The following SEMA5B variants were observed in gnomAD, a reference collection of about 807,000 sequenced individuals.
The protein encoded by SEMA5B is semaphorin 5B, also known as semaphorin-5B.
In SEMA5B, 66 loss-of-function variants were observed where a neutral mutation model predicts 135.0. The observed-to-expected ratio is 0.49, with a 90% CI of 0.40 to 0.60. SEMA5B has a LOEUF of 0.60. Ranked by LOEUF, SEMA5B falls within the 20% of genes least tolerant of loss-of-function variation. SEMA5B has a pLI of 0.00. For missense variants in SEMA5B, 1,501 were observed against 1,566.3 expected (o/e 0.96, Z 0.70); for synonymous variants, 690 against 639.5 (o/e 1.08, Z -1.19).
At chr3:123,000,228 G>A (rs550125269) in intron 1 of SEMA5B, among the ~76,000 whole-genome samples, 22 of 152,148 alleles carry the variant, frequency 1.4e-4, no homozygotes, top group African/African-American at 4.6e-4. Context: ...AAAGAAAACA[G>A]AACAAAGGAG....
At chr3:122,922,879 T>TTTA (rs374471825) in intron 10 of SEMA5B, among the ~76,000 whole-genome samples, 97,704 of 151,902 alleles carry the variant, frequency 0.64, 32,763 homozygotes, top group Non-Finnish European at 0.75. Flanking sequence ...CTGGAAGCCT[T>TTTA]CTGAGCATCT....
At chr3:122,930,150 G>C (rs774576239) in intron 5 of SEMA5B, among the ~76,000 whole-genome samples, 3 of 152,236 alleles carry the variant, frequency 2.0e-5, no homozygotes, top group Admixed American at 6.5e-5. Context: ...ACTGCCTGCA[G>C]AGCCCCAGAG....
At chr3:122,961,587 G>A (rs780097199) in intron 1 of SEMA5B, among the ~76,000 whole-genome samples, 19 of 151,794 alleles carry the variant, frequency 1.3e-4, no homozygotes, top group Non-Finnish European at 2.2e-4. Context: ...AGCCCCCCAA[G>A]TAGTTGTGAC....
At chr3:122,928,462 A>G (rs1560310651) in intron 7 of SEMA5B, 55 bp downstream of exon 7, 7 of 1,401,222 alleles carry the variant, frequency 5.0e-6, no homozygotes, top group Non-Finnish European at 6.8e-6. Flanking sequence ...GTGCCTAGGC[A>G]GGAGAACCCC....
intron 1 of SEMA5B, among the ~76,000 whole-genome samples, chr3:123,010,887 G>C (rs1431566566): frequency 1.3e-5 from 2 of 151,850 alleles, no homozygotes; most frequent in Non-Finnish European, 2.9e-5. Context: ...GTATTATCTG[G>C]GACTCACCAC....
intron 1 of SEMA5B, among the ~76,000 whole-genome samples, chr3:123,006,030 G>A (rs1301518576): frequency 6.6e-6 from 1 of 152,220 alleles, no homozygotes; most frequent in Non-Finnish European, 1.5e-5. Flanking sequence ...TGCTTGCCTT[G>A]GCTTGTCTCC....
At chr3:123,007,332 G>A (rs1942339112) in intron 1 of SEMA5B, among the ~76,000 whole-genome samples, 1 of 152,010 alleles carries the variant, frequency 6.6e-6, no homozygotes, top group Non-Finnish European at 1.5e-5. Flanking sequence ...AGATCACAGG[G>A]AAGCCAAAGC....
At chr3:123,025,805 T>C (rs1942784382) in intron 1 of SEMA5B, among the ~76,000 whole-genome samples, 1 of 152,148 alleles carries the variant, frequency 6.6e-6, no homozygotes. Context: ...TTCCCCCATC[T>C]CTCCTATATT....
chr3:122,983,465 G>T (rs1457997511), intron 1 of SEMA5B, among the ~76,000 whole-genome samples: 1 of 151,544 alleles, frequency 6.6e-6, no homozygotes, highest in East Asian at 1.9e-4. Context: ...GACGGGGCGG[G>T]GTGGTAAAAA....
chr3:122,965,071 T>C (rs772963327), intron 1 of SEMA5B, among the ~76,000 whole-genome samples: 7 of 152,138 alleles, frequency 4.6e-5, no homozygotes, highest in Non-Finnish European at 1.0e-4. Flanking sequence ...TTACTTCAAT[T>C]AGCATAATGT....
Position 122,948,716 on chromosome 3 carries a change from C to T in SEMA5B, c.125-7G>A, listed in dbSNP as rs374345350. 144 of 1,585,148 alleles carry T rather than the reference C, an allele frequency of 9.1e-5. No homozygotes were observed. In the African/African-American group the frequency reaches 1.2e-3, roughly 14 times the overall value. On this transcript the variant is annotated splice_polypyrimidine_tract_variant and splice_region_variant and intron_variant, in intron 2 of 22. Transcript: ENST00000357599. Reference sequence around the variant, plus strand: ...GGCAGACAGGGGAGAAGACCTGCAACGTAAACACTCAGTCTCACCAAGCGC... The same window carrying T: ...GGCAGACAGGGGAGAAGACCTGCAATGTAAACACTCAGTCTCACCAAGCGC...
At position 122,940,986 on chromosome 3, in the gene SEMA5B, T is replaced by C. The variant is rs952506490; in HGVS notation, c.429-1516A>G. Among the ~76,000 whole-genome samples, 4 of 152,340 alleles carry C rather than the reference T, an allele frequency of 2.6e-5. No homozygotes were observed. The East Asian group carries it at 7.7e-4, about 29-fold the overall frequency. ...TTCATTTTTATCCCATCAAAAATCA[T>C]TCATCACAACATCGCAGTCAACTCT... On this transcript the variant is annotated intron_variant, in intron 4 of 22. Transcript: ENST00000357599.
chr3:122,949,677 C>T (rs1014855156), intron 2 of SEMA5B, among the ~76,000 whole-genome samples: 6 of 152,186 alleles, frequency 3.9e-5, no homozygotes, highest in Non-Finnish European at 7.3e-5. Flanking sequence ...CCTAATTGCT[C>T]CTATAGATAA....
rs760823421 is a variant in SEMA5B, at chr3:122,914,011, T to G, written c.1989-10A>C. Reference sequence around the variant, plus strand: ...GGTCCACGCCCCATTCCTGGCGGGGTGGGAGGGGACAGAGACAGATGCCCC... The same window carrying G: ...GGTCCACGCCCCATTCCTGGCGGGGGGGGAGGGGACAGAGACAGATGCCCC... On this transcript the variant is annotated splice_polypyrimidine_tract_variant and intron_variant, in intron 14 of 22. Transcript: ENST00000357599. The G allele has an allele frequency of 6.4e-7, 1 of 1,573,740 alleles. No individual in the cohort carries two copies. The highest frequency in any genetic ancestry group is 1.7e-4 in the Middle Eastern group (1 of 5,924).
intron 1 of SEMA5B, among the ~76,000 whole-genome samples, chr3:122,981,390 T>A (rs1941517106): frequency 6.6e-6 from 1 of 152,230 alleles, no homozygotes; most frequent in African/African-American, 2.4e-5. Context: ...GGGAAAGACG[T>A]GACCCCAGCC....
At chr3:122,931,299 C>T (rs1205839561) in intron 5 of SEMA5B, among the ~76,000 whole-genome samples, 1 of 152,006 alleles carries the variant, frequency 6.6e-6, no homozygotes, top group African/African-American at 2.4e-5. Context: ...TTCCCACTTA[C>T]CCACCACCGT....
chr3:122,971,720 C>A (rs113282948), intron 1 of SEMA5B, among the ~76,000 whole-genome samples: 1 of 152,234 alleles, frequency 6.6e-6, no homozygotes, highest in Non-Finnish European at 1.5e-5. Flanking sequence ...GCCCAAGGAG[C>A]CTTCCCCAAG....
chr3:122,928,096 T>A lies in SEMA5B; in HGVS notation c.637-93A>T, dbSNP rs916106050. 9 of 870,502 alleles carry A rather than the reference T, an allele frequency of 1.0e-5. No homozygotes were observed. The African/African-American group carries it at 1.2e-4, about 12-fold the overall frequency. The allele number at this position is 870,502 out of a possible 1,614,324, so 53.9% of individuals were successfully genotyped here. On this transcript the variant is annotated intron_variant, in intron 7 of 22. Coordinates refer to ENST00000357599, the MANE Select transcript of SEMA5B (RefSeq NM_001031702.4). Reference sequence around the variant, plus strand: ...AGTTTTGTTTCCTCCTGTGCCCCAGTCTCTCTGGGCCTCTCCCCTCCTCCA... The same window carrying A: ...AGTTTTGTTTCCTCCTGTGCCCCAGACTCTCTGGGCCTCTCCCCTCCTCCA...
intron 1 of SEMA5B, among the ~76,000 whole-genome samples, chr3:122,999,212 T>C (rs1267878928): frequency 6.6e-6 from 1 of 152,134 alleles, no homozygotes; most frequent in Admixed American, 6.5e-5. Flanking sequence ...AAAATATAAA[T>C]GTAGAATTTT....
Sources: gnomAD v4.1 joint callset for allele counts (sites outside exome capture counted in the v4.1 genomes callset) on GRCh38, gnomAD v4.1.1 for gene constraint, MANE v1.5 for transcripts, NCBI Gene and HGNC (gene_info 2026-07-23, HGNC 2026-07-21) for gene names.